DIP2C: variants seen among roughly 807,000 people sequenced by gnomAD.
DIP2C encodes DIP2 acetate--CoA ligase C (putative), also known as disco-interacting protein 2 homolog C.
Under a neutral mutation model 192.4 loss-of-function variants are expected in DIP2C, and 33 were observed. That is an observed-to-expected ratio of 0.17 (90% CI 0.13 to 0.23). The LOEUF is 0.23. Among genes scored for constraint, DIP2C ranks in the 10% least tolerant of loss-of-function variants. The pLI is 1.00. For synonymous variants in DIP2C, 979 were observed against 864.1 expected, an observed-to-expected ratio of 1.13 and a Z score of -2.33; for missense variants, 1,537 against 2,110.1, an observed-to-expected ratio of 0.73 and a Z score of 5.32.
rs1186142769 is a variant in DIP2C, at chr10:596,543, C to G, written c.85+92951G>C. On this transcript the variant is annotated intron_variant, in intron 1 of 36. Coordinates refer to ENST00000280886, the MANE Select transcript of DIP2C (RefSeq NM_014974.3). ...AAAAAAAAAGTATTAAGTTTTCCTT[C>G]CAATGAACCTATCATTCTGCCACCG... is the stretch of plus-strand genomic sequence containing the variant. Among the ~76,000 whole-genome samples the G allele has an allele frequency of 2.1e-5, 3 of 144,960 alleles. No homozygotes were observed. In the East Asian group the frequency reaches 6.2e-4, roughly 30 times the overall value.
intron 26 of DIP2C, among the ~76,000 whole-genome samples, chr10:347,711 A>C: frequency 7.5e-6 from 1 of 133,072 alleles, no homozygotes; most frequent in Non-Finnish European, 1.6e-5. Flanking sequence ...CCCCACACGC[A>C]CCCAACCCAG....
intron 1 of DIP2C, among the ~76,000 whole-genome samples, chr10:685,274 C>A (rs1183924308): frequency 6.7e-6 from 1 of 149,042 alleles, no homozygotes; most frequent in Non-Finnish European, 1.5e-5. Context: ...CCTTCACCTC[C>A]CTCTGCAAGC....
In DIP2C at chr10:348,743, C is replaced by T. The variant is rs148872343; in HGVS notation, c.3129G>A (p.Ala1043=). 28 of 1,613,470 alleles carry T rather than the reference C, an allele frequency of 1.7e-5. No homozygotes were observed. Among genetic ancestry groups the T allele is most frequent in the African/African-American group, 2.7e-5 (2 of 74,896 alleles). Residue 1043 remains alanine (A), a synonymous_variant, in exon 26 of 37, where the codon GCG becomes GCA. Transcript: ENST00000280886. ...AGCCTGCGTACAGGCAACCATAAAA[C>T]GCTGCTATCAGGTCTATTCCTACAC... ...VYPPGIDLIA[A]FYGCLYAGCV...
At chr10:582,899 A>G (rs931456039) in intron 1 of DIP2C, among the ~76,000 whole-genome samples, 5 of 152,242 alleles carry the variant, frequency 3.3e-5, no homozygotes, top group African/African-American at 1.2e-4. Context: ...CAATAGAAGG[A>G]AGGTACCATT....
Position 419,161 on chromosome 10 carries a change from A to C in DIP2C, c.643T>G (p.Ser215Ala). 1 of 1,614,226 alleles carries C rather than the reference A, an allele frequency of 6.2e-7. No individual in the cohort carries two copies. Among genetic ancestry groups the C allele is most frequent in the Non-Finnish European group, 8.5e-7 (1 of 1,180,034 alleles). Residue 215 changes from serine to alanine, a missense_variant, in exon 6 of 37, where the codon TCA becomes GCA. Physicochemically the swap from Ser to Ala is moderately conservative, Grantham distance 99. Transcript: ENST00000280886. ...CTCTCCACCTGTATCGAGTGCTCTGAGGTGTACGTGGTTACGTCAGGAGGT... is the reference window on the plus strand; with the variant it reads ...CTCTCCACCTGTATCGAGTGCTCTGCGGTGTACGTGGTTACGTCAGGAGGT... ...SAPPDVTTYT[S>A]EHSIQVERPQ...
chr10:554,986 C>A (rs1479466110), intron 1 of DIP2C, among the ~76,000 whole-genome samples: 1 of 152,088 alleles, frequency 6.6e-6, no homozygotes, highest in Non-Finnish European at 1.5e-5. Context: ...TATGGAGTCT[C>A]ACAGTACAGA....
intron 1 of DIP2C, among the ~76,000 whole-genome samples, chr10:521,290 C>T (rs2130816757): frequency 6.6e-6 from 1 of 151,968 alleles, no homozygotes; most frequent in Non-Finnish European, 1.5e-5. Flanking sequence ...AACACCTCCC[C>T]TGAGGCATCT....
rs1170281749 is a variant in DIP2C, at chr10:636,858, G to A, written c.85+52636C>T. 1.3e-5 allele frequency among the ~76,000 whole-genome samples: 2 copies of A among 152,170 alleles called. No homozygotes were observed. The highest frequency in any genetic ancestry group is 3.9e-4 in the East Asian group (2 of 5,192). ...CAGTCTCGAGGCGCAATCACCTTCC[G>A]TCATACACTTCTCAGCAGCTTCCCG... On this transcript the variant is annotated intron_variant, in intron 1 of 36. Coordinates refer to ENST00000280886, the MANE Select transcript of DIP2C (RefSeq NM_014974.3). The surrounding 1 kb of genome is among the most constrained non-coding windows in gnomAD (Gnocchi z 4.6).
At chr10:477,754 GGAGA>G (rs949217411) in intron 2 of DIP2C, among the ~76,000 whole-genome samples, 1 of 100,528 alleles carries the variant, frequency 9.9e-6, no homozygotes, top group Non-Finnish European at 2.2e-5. Flanking sequence ...AGAAAGAAAA[GGAGA>G]GAGAAGAAAA....
intron 2 of DIP2C, among the ~76,000 whole-genome samples, chr10:479,673 A>G (rs527433515): frequency 6.6e-6 from 1 of 152,104 alleles, no homozygotes; most frequent in East Asian, 1.9e-4. Flanking sequence ...CATGAGCCCA[A>G]ATCTTTGCCA....
intron 1 of DIP2C, among the ~76,000 whole-genome samples, chr10:526,179 G>A (rs1847040672): frequency 6.6e-6 from 1 of 152,172 alleles, no homozygotes; most frequent in Admixed American, 6.5e-5. Context: ...CACAGCAAAT[G>A]CAGCACACCT....
chr10:338,407 G>C (rs1029093267), intron 29 of DIP2C, among the ~76,000 whole-genome samples: 3 of 150,108 alleles, frequency 2.0e-5, no homozygotes, highest in African/African-American at 4.9e-5. Flanking sequence ...CTCCAGTCAT[G>C]GGAAATGCCC....
intron 1 of DIP2C, among the ~76,000 whole-genome samples, chr10:511,154 C>T (rs184071785): frequency 2.0e-5 from 3 of 152,316 alleles, no homozygotes; most frequent in East Asian, 1.9e-4. Flanking sequence ...TGAACATTCA[C>T]GCTGAACACA....
At chr10:493,892 A>G (rs1158839778) in intron 1 of DIP2C, among the ~76,000 whole-genome samples, 4 of 152,248 alleles carry the variant, frequency 2.6e-5, no homozygotes, top group Non-Finnish European at 5.9e-5. Context: ...TGGTGGCAAC[A>G]AAGTCATCGT....
intron 7 of DIP2C, among the ~76,000 whole-genome samples, chr10:414,588 C>T (rs1965415925): frequency 1.3e-5 from 2 of 151,684 alleles, no homozygotes; most frequent in African/African-American, 2.4e-5. Flanking sequence ...CAGTTCCCTG[C>T]AGCCTCGACC....
chr10:568,996 C>G (rs911333086), intron 1 of DIP2C, among the ~76,000 whole-genome samples: 1 of 152,092 alleles, frequency 6.6e-6, no homozygotes, highest in African/African-American at 2.4e-5. Context: ...GAAGTAAATT[C>G]CAGCATGAGG....
At chr10:624,666 T>A (rs1261212948) in intron 1 of DIP2C, among the ~76,000 whole-genome samples, 4 of 152,140 alleles carry the variant, frequency 2.6e-5, no homozygotes, top group African/African-American at 9.7e-5. Flanking sequence ...GGTCTTGCTC[T>A]GACCTGAGGC....
At chr10:557,479 G>A (rs1027812932) in intron 1 of DIP2C, among the ~76,000 whole-genome samples, 14 of 151,434 alleles carry the variant, frequency 9.2e-5, no homozygotes, top group African/African-American at 3.4e-4. Flanking sequence ...GGCCATGATG[G>A]CCTCTGCTGG....
At chr10:426,753 G>C (rs1050259689) in intron 4 of DIP2C, among the ~76,000 whole-genome samples, 1 of 152,096 alleles carries the variant, frequency 6.6e-6, no homozygotes, top group Non-Finnish European at 1.5e-5. Flanking sequence ...GTAAGAGAAA[G>C]GTAGTATTTT....
Sources: gnomAD v4.1 joint callset for allele counts (sites outside exome capture counted in the v4.1 genomes callset) on GRCh38, gnomAD v4.1.1 for gene constraint, Gnocchi (gnomAD v3.1) non-coding constraint, MANE v1.5 for transcripts, NCBI Gene and HGNC (gene_info 2026-07-23, HGNC 2026-07-21) for gene names.